Variants in AGBL1 observed in about 807,000 individuals in gnomAD.
AGBL1 encodes the protein cytosolic carboxypeptidase 4.
In AGBL1, 130 loss-of-function variants were observed where a neutral mutation model predicts 118.9. That is an observed-to-expected ratio of 1.09 (90% confidence interval 0.95 to 1.26). The LOEUF (loss-of-function observed/expected upper bound fraction) is 1.26. AGBL1 is among the 50% of genes most tolerant of loss of function. The probability of loss-of-function intolerance (pLI) is 0.00; values close to 1 mark genes in which losing one functional copy is unlikely to be tolerated. For missense variants in AGBL1, 1,584 were observed against 1,298.1 expected, an observed-to-expected ratio of 1.22 and a Z score of -3.38; for synonymous variants, 555 against 478.9, an observed-to-expected ratio of 1.16 and a Z score of -2.08.
chr15:86,144,086 G>A (rs1015378764), intron 3 of AGBL1, among the ~76,000 whole-genome samples: 5 of 152,290 alleles, frequency 3.3e-5, no homozygotes, highest in South Asian at 2.1e-4. Flanking sequence ...GCTACATGGG[G>A]CATGGATAAT....
At chr15:86,523,946 T>C (rs1233947315) in intron 19 of AGBL1, among the ~76,000 whole-genome samples, 1 of 152,056 alleles carries the variant, frequency 6.6e-6, no homozygotes, top group African/African-American at 2.4e-5. Flanking sequence ...AAATTCAGAG[T>C]CCTTACCTAA....
chr15:86,393,659 G>A lies in AGBL1; in HGVS notation c.2375-3707G>A, dbSNP rs563101097. Among the ~76,000 whole-genome samples the A allele has an allele frequency of 9.7e-4, 147 of 151,812 alleles. 1 individual carries two copies. The highest frequency in any genetic ancestry group is 1.9e-3 in the Non-Finnish European group (129 of 67,912). On this transcript the variant is annotated intron_variant, in intron 17 of 22. Transcript: ENST00000614907. Reference sequence around the variant, plus strand: ...CGTTAATTTCAGTTGTGCCTAGCTAGCTAACTGTACATCTCCTTCTTTCCA... The same window carrying A: ...CGTTAATTTCAGTTGTGCCTAGCTAACTAACTGTACATCTCCTTCTTTCCA...
chr15:86,686,442 GTTTT>G (rs368842116), intron 22 of AGBL1, among the ~76,000 whole-genome samples: 5 of 127,126 alleles, frequency 3.9e-5, no homozygotes, highest in African/African-American at 1.2e-4. Context: ...CATATTCTAA[GTTTT>G]TTTTTTTTTT....
At chr15:86,314,989 A>G (rs1476616568) in intron 17 of AGBL1, among the ~76,000 whole-genome samples, 2 of 152,190 alleles carry the variant, frequency 1.3e-5, no homozygotes, top group African/African-American at 4.8e-5. Context: ...AATAGGGATA[A>G]TATTCCCACC....
intron 17 of AGBL1, among the ~76,000 whole-genome samples, chr15:86,350,356 T>C (rs1411911203): frequency 2.0e-5 from 3 of 152,258 alleles, no homozygotes; most frequent in Non-Finnish European, 4.4e-5. Flanking sequence ...CTGAACATGT[T>C]GCTTTTCAAG....
intron 24 of AGBL1, among the ~76,000 whole-genome samples, chr15:87,026,209 G>A (rs2081725057): frequency 6.6e-6 from 1 of 151,968 alleles, no homozygotes; most frequent in African/African-American, 2.4e-5. Context: ...AGTTAGCAGA[G>A]TAAACAGACA....
At chr15:86,657,769 C>A (rs1389912361) in intron 21 of AGBL1, among the ~76,000 whole-genome samples, 2 of 151,850 alleles carry the variant, frequency 1.3e-5, no homozygotes. Context: ...TCGTAAGTCT[C>A]CTACTTCTGA....
intron 22 of AGBL1, among the ~76,000 whole-genome samples, chr15:86,862,181 A>C (rs551370742): frequency 6.6e-6 from 1 of 152,334 alleles, no homozygotes; most frequent in Non-Finnish European, 1.5e-5. Context: ...ACGCAGAGTA[A>C]CTGCTTGAGG....
At chr15:86,464,008 T>C (rs566517574) in intron 18 of AGBL1, among the ~76,000 whole-genome samples, 3 of 152,356 alleles carry the variant, frequency 2.0e-5, no homozygotes, top group African/African-American at 7.2e-5. Flanking sequence ...GGGAATAGCA[T>C]TGAATCTGTA....
intron 17 of AGBL1, among the ~76,000 whole-genome samples, chr15:86,356,781 C>A (rs1427359217): frequency 6.6e-6 from 1 of 152,160 alleles, no homozygotes; most frequent in Non-Finnish European, 1.5e-5. Context: ...ATATCCCCGG[C>A]AATTTGCTCT....
intron 5 of AGBL1, among the ~76,000 whole-genome samples, chr15:86,208,215 G>A (rs575125132): frequency 5.3e-4 from 80 of 152,162 alleles, no homozygotes; most frequent in African/African-American, 1.7e-3. Context: ...TGCTGGATTC[G>A]GTTTGCCAGT....
At chr15:86,691,279 G>T (rs766360738) in intron 22 of AGBL1, among the ~76,000 whole-genome samples, 1 of 152,160 alleles carries the variant, frequency 6.6e-6, no homozygotes, top group African/African-American at 2.4e-5. Context: ...TTAGCAAACT[G>T]CAGGGGGCAA....
intron 22 of AGBL1, among the ~76,000 whole-genome samples, chr15:86,823,904 A>G (rs1159756875): frequency 6.6e-6 from 1 of 152,148 alleles, no homozygotes; most frequent in Non-Finnish European, 1.5e-5. Context: ...ATCTCAGAAA[A>G]TTAGAAATGG....
intron 18 of AGBL1, among the ~76,000 whole-genome samples, chr15:86,443,840 C>G (rs116681665): frequency 2.0e-5 from 3 of 148,956 alleles, no homozygotes; most frequent in Non-Finnish European, 3.0e-5. Context: ...TTTTCTTTAT[C>G]CATCCATTCA....
chr15:86,445,335 C>A (rs543899604), intron 18 of AGBL1, among the ~76,000 whole-genome samples: 1 of 152,226 alleles, frequency 6.6e-6, no homozygotes, highest in Non-Finnish European at 1.5e-5. Context: ...AGCGATGCTT[C>A]TGGGATGAAT....
At chr15:86,443,046 C>T (rs369114556) in intron 18 of AGBL1, among the ~76,000 whole-genome samples, 3 of 152,192 alleles carry the variant, frequency 2.0e-5, no homozygotes, top group East Asian at 1.9e-4. Context: ...CATCTCTCCC[C>T]GGATACTGTA....
chr15:86,265,364 G>T (rs1313537613), intron 11 of AGBL1, among the ~76,000 whole-genome samples: 2 of 152,176 alleles, frequency 1.3e-5, no homozygotes, highest in Non-Finnish European at 2.9e-5. Flanking sequence ...TGATGGAAGA[G>T]AAATTCTCCA....
rs144976672 is a variant in AGBL1, at chr15:86,314,679, G to A, written c.2374+19271G>A. 4.1e-3 allele frequency among the ~76,000 whole-genome samples: 622 copies of A among 152,216 alleles called. 6 individuals are homozygous for A. Among genetic ancestry groups the A allele is most frequent in the African/African-American group, 0.014 (581 of 41,520 alleles). On this transcript the variant is annotated intron_variant, in intron 17 of 22. Coordinates refer to ENST00000614907, the MANE Select transcript of AGBL1 (RefSeq NM_001386094.1). ...CACTCAGGAATGAATTGGAGCTCCC[G>A]CTTGTAACAGTGACTGGCTTTCCTG...
At chr15:86,971,019 G>A (rs2081102796) in intron 23 of AGBL1, among the ~76,000 whole-genome samples, 1 of 151,834 alleles carries the variant, frequency 6.6e-6, no homozygotes. Context: ...TATGCAAATA[G>A]TACACCATTT....
Sources: gnomAD v4.1 joint callset for allele counts (sites outside exome capture counted in the v4.1 genomes callset) on GRCh38, gnomAD v4.1.1 for gene constraint, MANE v1.5 for transcripts, NCBI Gene and HGNC (gene_info 2026-07-23, HGNC 2026-07-21) for gene names.